The following FAT3 variants were observed in gnomAD, a reference collection of about 807,000 sequenced individuals.
FAT3 encodes FAT atypical cadherin 3.
Under a neutral mutation model 310.2 loss-of-function variants are expected in FAT3, and 95 were observed. The observed-to-expected ratio is 0.31, with a 90% CI of 0.26 to 0.36. The LOEUF (loss-of-function observed/expected upper bound fraction) is 0.36. Ranked by LOEUF, FAT3 falls within the 10% of genes least tolerant of loss-of-function variation. The pLI, the probability that FAT3 is intolerant of heterozygous loss-of-function variation, is 1.00. For missense variants in FAT3, 5,408 were observed against 5,715.6 expected, an observed-to-expected ratio of 0.95 and a Z score of 1.74; for synonymous variants, 2,314 against 2,192.9, an observed-to-expected ratio of 1.06 and a Z score of -1.54.
chr11:92,839,639 G>A (rs770809918), intron 17 of FAT3, among the ~76,000 whole-genome samples: 5 of 151,994 alleles, frequency 3.3e-5, no homozygotes, highest in South Asian at 4.1e-4. Flanking sequence ...GTGTATCATC[G>A]TCTCCATCTC....
chr11:92,229,697 G>GT (rs980500419), intron 1 of FAT3, among the ~76,000 whole-genome samples: 1 of 150,422 alleles, frequency 6.6e-6, no homozygotes, highest in African/African-American at 2.4e-5. Flanking sequence ...TCAGTTACAT[G>GT]TAATAGTGAC....
At chr11:92,578,784 C>A (rs1938626452) in intron 3 of FAT3, among the ~76,000 whole-genome samples, 1 of 151,972 alleles carries the variant, frequency 6.6e-6, no homozygotes, top group African/African-American at 2.4e-5. Flanking sequence ...GTTTTAGGGA[C>A]ACATTAGATC....
intron 1 of FAT3, among the ~76,000 whole-genome samples, chr11:92,271,502 G>C (rs1657091306): frequency 6.6e-6 from 1 of 151,952 alleles, no homozygotes; most frequent in Admixed American, 6.6e-5. Context: ...GCATATTTTA[G>C]TACTTGAAAT....
intron 1 of FAT3, among the ~76,000 whole-genome samples, chr11:92,239,904 G>A (rs967074805): frequency 6.6e-6 from 1 of 152,010 alleles, no homozygotes; most frequent in African/African-American, 2.4e-5. Context: ...TTACTAAAAG[G>A]CTTCCTGTTT....
chr11:92,873,398 A>T (rs566683359), intron 22 of FAT3, among the ~76,000 whole-genome samples: 1 of 152,298 alleles, frequency 6.6e-6, no homozygotes, highest in South Asian at 2.1e-4. Context: ...CCCAGGTGCT[A>T]CTTACACATT....
Position 92,352,290 on chromosome 11 carries a change from A to G in FAT3, c.178A>G (p.Thr60Ala). ...ATVYENSAAR[T>A]YVNSQSRMGI... ...CGTGTATGAGAACTCAGCAGCAAGG[A>G]CCTACGTCAACAGCCAGAGTAGAAT... Residue 60 changes from threonine (T) to alanine (A), a missense_variant, in exon 2 of 28, where the codon ACC becomes GCC. Coordinates refer to ENST00000525166, the MANE Select transcript of FAT3 (RefSeq NM_001367949.2). 1 of 1,489,530 alleles carries G rather than the reference A, an allele frequency of 6.7e-7. No homozygotes were observed. 92.3% of individuals were successfully genotyped at this position (1,489,530 alleles called of 1,614,324 possible). A position where few individuals can be genotyped will look rare whatever the true frequency, so the allele number is the denominator to read the frequency against.
At chr11:92,345,360 ACTAAT>A (rs1215575897) in intron 1 of FAT3, among the ~76,000 whole-genome samples, 6 of 152,328 alleles carry the variant, frequency 3.9e-5, no homozygotes, top group African/African-American at 1.4e-4. Flanking sequence ...CACATAAGTA[ACTAAT>A]CTAAGGAAGA....
Position 92,352,154 on chromosome 11 carries a change from T to C in FAT3, c.42T>C (p.Pro14=). 7.3e-7 allele frequency: 1 copy of C among 1,368,488 alleles called. No homozygotes were observed. Among genetic ancestry groups the C allele is most frequent in the South Asian group, 1.1e-5 (1 of 87,878 alleles). 84.8% of individuals were successfully genotyped at this position (1,368,488 alleles called of 1,614,324 possible). Residue 14 remains proline (P), a synonymous_variant, in exon 2 of 28, where the codon CCT becomes CCC. Transcript: ENST00000525166. ...GACACTGTGTGGGCACACGGCCTCC[T>C]GCTTGTTGCCTCATCCTCCTGCTTT... ...IMGHCVGTRP[P]ACCLILLLFK...
chr11:92,613,401 T>A (rs201026648), intron 3 of FAT3, among the ~76,000 whole-genome samples: 83 of 32,328 alleles, frequency 2.6e-3, no homozygotes, highest in Middle Eastern at 0.02. Context: ...ATATTTTTTT[T>A]AAAAAAAACT....
chr11:92,469,588 C>A (rs975516883), intron 2 of FAT3, among the ~76,000 whole-genome samples: 1 of 151,842 alleles, frequency 6.6e-6, no homozygotes, highest in African/African-American at 2.4e-5. Flanking sequence ...GATCTCGGCT[C>A]ACTGCAACCT....
At chr11:92,859,123 G>A in intron 20 of FAT3, 42 bp from the exon 21 acceptor site, 1 of 1,579,440 alleles carries the variant, frequency 6.3e-7, no homozygotes, top group East Asian at 2.3e-5. Flanking sequence ...TTCCTTTCTG[G>A]ATGTTAAAAA....
chr11:92,364,081 T>C (rs1948952725), intron 2 of FAT3, among the ~76,000 whole-genome samples: 1 of 152,116 alleles, frequency 6.6e-6, no homozygotes, highest in South Asian at 2.1e-4. Context: ...TGAGCTGCTA[T>C]TGTCTCTGTA....
In FAT3 at chr11:92,894,849, C is replaced by T. The variant is rs1281358546; in HGVS notation, c.*3736C>T. The T allele has an allele frequency of 6.6e-6, 1 of 152,138 alleles. No individual in the cohort carries two copies. Among genetic ancestry groups the T allele is most frequent in the Non-Finnish European group, 1.5e-5 (1 of 68,028 alleles). 9.4% of individuals were successfully genotyped at this position (152,138 alleles called of 1,614,324 possible). A position where few individuals can be genotyped will look rare whatever the true frequency, so the allele number is the denominator to read the frequency against. ...ACTAGTTTCTGGGATTTGCCTGGAA[C>T]TTCCCTTGGACATTACTAGCACATT... On this transcript the variant is annotated 3_prime_UTR_variant, in exon 28 of 28. Coordinates refer to ENST00000525166, the MANE Select transcript of FAT3 (RefSeq NM_001367949.2).
chr11:92,822,097 T>A (rs1317527114), intron 13 of FAT3, among the ~76,000 whole-genome samples: 1 of 152,122 alleles, frequency 6.6e-6, no homozygotes, highest in Non-Finnish European at 1.5e-5. Flanking sequence ...CTTGTTATCA[T>A]TACCCTTTTA....
In FAT3 at chr11:92,801,298, C is replaced by T. The variant is rs764961098; in HGVS notation, c.8285C>T (p.Thr2762Ile). The change falls in exon 10 of 28, where the codon ACA becomes ATA. Residue 2762 changes from threonine to isoleucine, a missense_variant. Coordinates refer to ENST00000525166, the MANE Select transcript of FAT3 (RefSeq NM_001367949.2). ...GGCATATTCGTCATAGAACAGGAAA[C>T]AGGCACTATTAAGCTTGACAAACGC... ...KGGIFVIEQE[T>I]GTIKLDKRLD... 16 of 1,613,840 alleles carry T rather than the reference C, an allele frequency of 9.9e-6. No homozygotes were observed. The highest frequency in any genetic ancestry group is 1.7e-5 in the Admixed American group (1 of 60,000).
chr11:92,286,383 C>T lies in FAT3; in HGVS notation c.-18+61209C>T, dbSNP rs575196293. ...GCAGTGCGTAATGGGATGTGAATGC[C>T]GAAGTCCTGGAAATAGCTTTGAGAA... On this transcript the variant is annotated intron_variant, in intron 1 of 27. Transcript: ENST00000525166. Among the ~76,000 whole-genome samples, 8 of 152,178 alleles carry T rather than the reference C, an allele frequency of 5.3e-5. No individual in the cohort carries two copies. The East Asian group carries it at 1.2e-3, about 22-fold the overall frequency.
At chr11:92,855,064 T>C (rs1948934989) in intron 19 of FAT3, among the ~76,000 whole-genome samples, 1 of 152,232 alleles carries the variant, frequency 6.6e-6, no homozygotes, top group South Asian at 2.1e-4. Context: ...CACCTCCATG[T>C]GGCTGAGGTT....
chr11:92,378,375 T>G (rs1417964765), intron 2 of FAT3, among the ~76,000 whole-genome samples: 1 of 152,202 alleles, frequency 6.6e-6, no homozygotes, highest in Non-Finnish European at 1.5e-5. Context: ...TTATAATCTT[T>G]CTTCTATTTT....
intron 2 of FAT3, among the ~76,000 whole-genome samples, chr11:92,499,543 G>T (rs183435314): frequency 1.3e-5 from 2 of 152,062 alleles, no homozygotes; most frequent in African/African-American, 4.8e-5. Flanking sequence ...TCCTGATTTT[G>T]CTGAGAATCT....
Sources: allele counts gnomAD v4.1 joint callset (sites outside exome capture counted in the v4.1 genomes callset), GRCh38; gene constraint gnomAD v4.1.1; transcripts MANE v1.5; gene names NCBI Gene and HGNC (gene_info 2026-07-23, HGNC 2026-07-21).